OR3A3: variants seen among roughly 807,000 people sequenced by gnomAD.
OR3A3 encodes olfactory receptor family 3 subfamily A member 3.
For missense variants in OR3A3, 275 were observed against 391.4 expected (o/e 0.70, Z 2.51); for synonymous variants, 103 against 163.9 (o/e 0.63, Z 2.84).
At position 3,421,376 on chromosome 17, in the gene OR3A3, G is replaced by C. The variant is rs1179022894; in HGVS notation, c.791G>C (p.Arg264Thr). ...GGGACAGGTGTCTTCAGCTACATGA[G>C]GCTGGGTTCAGTGGAATCTTCAGAC... is the stretch of plus-strand genomic sequence containing the variant. The change falls in exon 3 of 3, where the codon AGG (arginine) becomes ACG (threonine). Residue 264 changes from arginine (R) to threonine (T), a missense_variant. Coordinates refer to ENST00000641141, the Ensembl canonical transcript of OR3A3. 3.7e-6 allele frequency: 6 copies of C among 1,614,212 alleles called. No homozygotes were observed. In the African/African-American group the frequency reaches 8.0e-5, roughly 22 times the overall value.
At chr17:3,419,527 C>G (rs2072412823) in intron 2 of OR3A3, among the ~76,000 whole-genome samples, 1 of 152,074 alleles carries the variant, frequency 6.6e-6, no homozygotes, top group African/African-American at 2.4e-5. Context: ...TTTTAACATT[C>G]TCACCACAAA....
chr17:3,414,021 G>C (rs1224597037), intron 2 of OR3A3, among the ~76,000 whole-genome samples: 1 of 152,064 alleles, frequency 6.6e-6, no homozygotes, highest in East Asian at 1.9e-4. Flanking sequence ...AGAGACTCCA[G>C]TGAGATGCAC....
exon 3 of OR3A3, chr17:3,423,470 G>A (rs1469400544): frequency 6.6e-6 from 1 of 152,030 alleles, no homozygotes; most frequent in Non-Finnish European, 1.5e-5. Flanking sequence ...TACTTCCTTG[G>A]GAGTTTCTCT....
chr17:3,413,590 G>A (rs1488699115), intron 2 of OR3A3, among the ~76,000 whole-genome samples: 7 of 151,978 alleles, frequency 4.6e-5, no homozygotes, highest in East Asian at 1.9e-4. Flanking sequence ...CGAGGTGGGC[G>A]GATCATGAGG....
At chr17:3,421,443 C>T (rs759891415) in exon 3 of OR3A3, 8 of 1,601,398 alleles carry the variant, frequency 5.0e-6, no homozygotes, top group South Asian at 3.4e-5. Flanking sequence ...TGATCAACCC[C>T]ATGCTGAACC....
chr17:3,421,004 G>C (rs760260216), exon 3 of OR3A3: 1 of 1,613,844 alleles, frequency 6.2e-7, no homozygotes, highest in Admixed American at 1.7e-5. Flanking sequence ...ACCCGCATGA[G>C]TCAGACAGTC....
chr17:3,416,222 C>G lies in OR3A3; in HGVS notation c.-7+4051C>G. On this transcript the variant is annotated intron_variant, in intron 2 of 2. Coordinates refer to ENST00000641141, the Ensembl canonical transcript of OR3A3. ...ATATAATCAAATGCCTTTTTAGCATCTATGGAAAGGATCACATAATCTCCC... is the reference window on the plus strand; with the variant it reads ...ATATAATCAAATGCCTTTTTAGCATGTATGGAAAGGATCACATAATCTCCC... Among the ~76,000 whole-genome samples the G allele has an allele frequency of 1.3e-5, 2 of 152,098 alleles. 1 individual carries two copies. Among genetic ancestry groups the G allele is most frequent in the Non-Finnish European group, 2.9e-5 (2 of 68,020 alleles).
chr17:3,412,777 G>A (rs1272652324), intron 2 of OR3A3, among the ~76,000 whole-genome samples: 2 of 152,134 alleles, frequency 1.3e-5, no homozygotes, highest in Admixed American at 1.3e-4. Flanking sequence ...TGTTTTGGGA[G>A]GTTTAAGTAA....
At chr17:3,421,448 T>G in exon 3 of OR3A3, 15 of 1,598,072 alleles carry the variant, frequency 9.4e-6, no homozygotes, top group Non-Finnish European at 1.3e-5. Context: ...AACCCCATGC[T>G]GAACCCACTT....
At chr17:3,417,699 A>G (rs961395669) in intron 2 of OR3A3, among the ~76,000 whole-genome samples, 1 of 152,164 alleles carries the variant, frequency 6.6e-6, no homozygotes, top group Non-Finnish European at 1.5e-5. Flanking sequence ...TTTTCCTTCT[A>G]TGAAGATTTT....
chr17:3,413,079 T>C (rs1219398214), intron 2 of OR3A3, among the ~76,000 whole-genome samples: 2 of 152,220 alleles, frequency 1.3e-5, no homozygotes, highest in Non-Finnish European at 2.9e-5. Flanking sequence ...AAACATGTTT[T>C]GTCCTCGAAT....
Position 3,412,186 on chromosome 17 carries a change from G to A in OR3A3, c.-7+15G>A, listed in dbSNP as rs556301367. ...CCCTTGCCAGGGTGAGTGTTCTCCT[G>A]AGTCCTTCCTCTGCTCCTACAGAAT... On this transcript the variant is annotated intron_variant, in intron 2 of 2. Transcript: ENST00000641141. 40 of 151,724 alleles carry A rather than the reference G, an allele frequency of 2.6e-4. No individual in the cohort carries two copies. The highest frequency in any genetic ancestry group is 9.3e-4 in the African/African-American group (38 of 41,060). The allele number at this position is 151,724 out of a possible 1,614,324, so 9.4% of individuals were successfully genotyped here.
intron 2 of OR3A3, among the ~76,000 whole-genome samples, chr17:3,420,254 C>T (rs1055169457): frequency 5.9e-5 from 9 of 152,212 alleles, no homozygotes; most frequent in Middle Eastern, 3.4e-3. Flanking sequence ...TTCCCCCTTC[C>T]GGCAAGAGCA....
At chr17:3,420,470 A>T (rs1478908476) in intron 2 of OR3A3, 110 bp from the exon 3 acceptor site, 2 of 1,525,038 alleles carry the variant, frequency 1.3e-6, no homozygotes, top group Non-Finnish European at 1.8e-6. Context: ...GTGTTGGAGG[A>T]GTGAGGGATG....
At chr17:3,414,380 T>C (rs991364869) in intron 2 of OR3A3, among the ~76,000 whole-genome samples, 3 of 152,156 alleles carry the variant, frequency 2.0e-5, no homozygotes, top group Admixed American at 6.6e-5. Context: ...CAGGATTTTT[T>C]TGAAGCTCCA....
rs574739184 is a variant in OR3A3 at position 3,413,581 on chromosome 17, G to A, written c.-7+1410G>A. On this transcript the variant is annotated intron_variant, in intron 2 of 2. Coordinates refer to ENST00000641141, the Ensembl canonical transcript of OR3A3. ...TGTAATCCCAGCACTTTGGGAGGCCGAGGTGGGCGGATCATGAGGTCAGTT... is the reference window on the plus strand; with the variant it reads ...TGTAATCCCAGCACTTTGGGAGGCCAAGGTGGGCGGATCATGAGGTCAGTT... Among the ~76,000 whole-genome samples, 766 of 152,192 alleles carry A rather than the reference G, an allele frequency of 5.0e-3. 5 individuals carry two copies. Among genetic ancestry groups the A allele is most frequent in the Non-Finnish European group, 9.2e-3 (628 of 68,006 alleles).
At chr17:3,414,215 G>A (rs2072378003) in intron 2 of OR3A3, among the ~76,000 whole-genome samples, 1 of 152,120 alleles carries the variant, frequency 6.6e-6, no homozygotes, top group African/African-American at 2.4e-5. Flanking sequence ...GGGACTACAG[G>A]TGCCCGCCAC....
At chr17:3,421,332 T>C in exon 3 of OR3A3, 1 of 1,614,204 alleles carries the variant, frequency 6.2e-7, no homozygotes, top group Non-Finnish European at 8.5e-7. Context: ...CCCACCTCAC[T>C]GTGGTGGGCA....
At chr17:3,421,429 A>G (rs2072434219) in exon 3 of OR3A3, 1 of 1,611,208 alleles carries the variant, frequency 6.2e-7, no homozygotes, top group Non-Finnish European at 8.5e-7. Context: ...GGTTTTCATG[A>G]CTGTGATCAA....
Sources: allele counts gnomAD v4.1 joint callset (sites outside exome capture counted in the v4.1 genomes callset), GRCh38; gene constraint gnomAD v4.1.1; transcripts MANE v1.5; gene names NCBI Gene and HGNC (gene_info 2026-07-23, HGNC 2026-07-21).